Variants in SSH2 observed in about 807,000 individuals in gnomAD.
The protein encoded by SSH2 is protein phosphatase Slingshot homolog 2.
In SSH2, 37 loss-of-function variants were observed where a neutral mutation model predicts 135.2. The observed-to-expected ratio is 0.27, with a 90% CI of 0.21 to 0.36. The LOEUF is 0.36. Among genes scored for constraint, SSH2 ranks in the 10% least tolerant of loss-of-function variants. The probability of loss-of-function intolerance (pLI) is 1.00; values close to 1 mark genes in which losing one functional copy is unlikely to be tolerated. For missense variants in SSH2, 1,408 were observed against 1,765.3 expected (o/e 0.80, Z 3.63); for synonymous variants, 628 against 646.2 (o/e 0.97, Z 0.43).
In SSH2 at chr17:29,638,563, G is replaced by C. The variant is rs866958169; in HGVS notation, c.1428-1761C>G. 3.9e-3 allele frequency among the ~76,000 whole-genome samples: 513 copies of C among 131,346 alleles called. 3 individuals are homozygous for C. Among genetic ancestry groups the C allele is most frequent in the African/African-American group, 0.014 (475 of 33,450 alleles). 86.2% of individuals were successfully genotyped at this position (131,346 alleles called of 152,430 possible). A position where few individuals can be genotyped will look rare whatever the true frequency, so the allele number is the denominator to read the frequency against. ...ACACACACACACACACACACACACA[G>C]AGACAGGGTATCACACTGCCACCAG... is the stretch of plus-strand genomic sequence containing the variant. On this transcript the variant is annotated intron_variant, in intron 14 of 15. Transcript: ENST00000540801.
At chr17:29,838,543 C>T (rs1457215310) in intron 2 of SSH2, among the ~76,000 whole-genome samples, 1 of 152,240 alleles carries the variant, frequency 6.6e-6, no homozygotes, top group Non-Finnish European at 1.5e-5. Flanking sequence ...CATGAACCAA[C>T]TGGCATGCAC....
intron 2 of SSH2, among the ~76,000 whole-genome samples, chr17:29,838,350 T>C (rs2042980555): frequency 6.6e-6 from 1 of 152,132 alleles, no homozygotes; most frequent in Non-Finnish European, 1.5e-5. Flanking sequence ...CCCCTTGGCA[T>C]GAACAGCCTG....
At chr17:29,696,346 A>G (rs903585635) in intron 4 of SSH2, among the ~76,000 whole-genome samples, 1 of 147,154 alleles carries the variant, frequency 6.8e-6, no homozygotes, top group African/African-American at 2.6e-5. Context: ...ATATGTGTGT[A>G]TATATATACT....
intron 6 of SSH2, among the ~76,000 whole-genome samples, chr17:29,678,713 C>CTTT (rs55889704): frequency 0.55 from 61,579 of 112,064 alleles, 18,963 homozygotes; most frequent in East Asian, 0.67. Context: ...AATACTATTT[C>CTTT]TTTTTTTTTT....
intron 9 of SSH2, 99 bp downstream of exon 9, chr17:29,671,836 T>C (rs2037506364): frequency 1.9e-6 from 2 of 1,031,508 alleles, no homozygotes; most frequent in Middle Eastern, 3.2e-4. Flanking sequence ...CTAGGTAAGA[T>C]TAACTCCCCA....
rs374600377 is a variant in SSH2, at chr17:29,636,669, C to T, written c.1561G>A (p.Val521Met). ...ITTSADQIAEVKTMESHPPIP... is the reference protein window; with the variant it reads ...ITTSADQIAEMKTMESHPPIP... ...GGTGGGTGACTCTCCATGGTCTTCA[C>T]CTCAGCAATCTGGTCTGCTGAGGTG... The change falls in exon 15 of 16, where the codon GTG (valine) becomes ATG (methionine). Residue 521 changes from valine (V) to methionine (M), a missense_variant. Val to Met is a conservative substitution (Grantham distance 21). Transcript: ENST00000540801. 16 of 1,613,992 alleles carry T rather than the reference C, an allele frequency of 9.9e-6. No homozygotes were observed. Among genetic ancestry groups the T allele is most frequent in the African/African-American group, 4.0e-5 (3 of 74,894 alleles).
Position 29,631,948 on chromosome 17 carries a change from T to C in SSH2, c.3246A>G (p.Thr1082=), listed in dbSNP as rs375031862. 2 of 1,614,194 alleles carry C rather than the reference T, an allele frequency of 1.2e-6. No homozygotes were observed. The highest frequency in any genetic ancestry group is 1.3e-5 in the African/African-American group (1 of 75,038). The change falls in exon 16 of 16, where the codon ACA becomes ACG. Residue 1082 remains threonine (T), a synonymous_variant. Transcript: ENST00000540801. ...NMEKSVTVLC[T]LDENLNRTLD... is the part of the protein sequence containing the mutation. ...GAGTCCTGTTTAGATTTTCATCCAG[T>C]GTGCAGAGCACAGTGACAGATTTTT...
intron 2 of SSH2, among the ~76,000 whole-genome samples, chr17:29,838,421 G>A (rs925793784): frequency 6.6e-6 from 1 of 152,230 alleles, no homozygotes; most frequent in African/African-American, 2.4e-5. Context: ...TCAGTCCCTG[G>A]TGAAGTCCCA....
At position 29,636,175 on chromosome 17, in the gene SSH2, C is replaced by G. The variant is rs1411959031; in HGVS notation, c.2055G>C (p.Lys685Asn). ...GGGTTTCTTGGGAGAGCTCCACAAA[C>G]TTCTCTAGGGCACTAAAAAAGTCAA... is the stretch of plus-strand genomic sequence containing the variant. ...DRIDFFSALE[K>N]FVELSQETRS... Residue 685 changes from lysine to asparagine, a missense_variant, in exon 15 of 16, where the codon AAG becomes AAC. Physicochemically the swap from Lys to Asn is moderately conservative, Grantham distance 94. Transcript: ENST00000540801. 6.2e-7 allele frequency: 1 copy of G among 1,614,160 alleles called. No individual in the cohort carries two copies.
chr17:29,710,848 A>G (rs2039407583), intron 3 of SSH2, among the ~76,000 whole-genome samples: 1 of 152,200 alleles, frequency 6.6e-6, no homozygotes, highest in African/African-American at 2.4e-5. Flanking sequence ...AGAAAATGTG[A>G]TTCTGTAATC....
intron 3 of SSH2, among the ~76,000 whole-genome samples, chr17:29,734,111 T>C (rs917042366): frequency 2.0e-5 from 3 of 152,052 alleles, no homozygotes; most frequent in African/African-American, 7.2e-5. Context: ...GAGATGGTGA[T>C]GGGGTTTCAC....
chr17:29,678,876 G>A (rs957482823), intron 6 of SSH2, among the ~76,000 whole-genome samples: 21 of 151,820 alleles, frequency 1.4e-4, no homozygotes, highest in Admixed American at 6.6e-4. Context: ...CACCATGCCC[G>A]GCTAATTTTT....
At chr17:29,893,366 C>T (rs2066385905) in intron 1 of SSH2, among the ~76,000 whole-genome samples, 1 of 152,060 alleles carries the variant, frequency 6.6e-6, no homozygotes, top group African/African-American at 2.4e-5. Flanking sequence ...AACTTAATCA[C>T]CAACATGATA....
At chr17:29,640,817 T>C (rs2036127860) in intron 14 of SSH2, 1 of 152,218 alleles carries the variant, frequency 6.6e-6, no homozygotes, top group South Asian at 2.1e-4. Context: ...TCCCTTTTTT[T>C]TTCTTTATAG....
At chr17:29,777,266 A>T (rs900617881) in intron 3 of SSH2, among the ~76,000 whole-genome samples, 5 of 152,162 alleles carry the variant, frequency 3.3e-5, no homozygotes, top group African/African-American at 9.7e-5. Flanking sequence ...TCAGCTATTT[A>T]ATCATTAAAT....
intron 3 of SSH2, among the ~76,000 whole-genome samples, chr17:29,784,101 T>TG (rs1204363092): frequency 8.7e-6 from 1 of 115,518 alleles, no homozygotes; most frequent in African/African-American, 3.4e-5. Flanking sequence ...AAAGAGTAAT[T>TG]GGGGGCTGGA....
intron 2 of SSH2, among the ~76,000 whole-genome samples, chr17:29,801,022 C>T (rs1265081793): frequency 6.6e-6 from 1 of 151,816 alleles, no homozygotes; most frequent in Non-Finnish European, 1.5e-5. Context: ...TCTGCCACCA[C>T]CCCCTGTAAT....
intron 1 of SSH2, among the ~76,000 whole-genome samples, chr17:29,909,826 A>T (rs2066732900): frequency 6.6e-6 from 1 of 152,262 alleles, no homozygotes. Flanking sequence ...AGACAGTCTT[A>T]TACCTAGCAA....
At chr17:29,792,274 G>A (rs1040445475) in intron 3 of SSH2, among the ~76,000 whole-genome samples, 1 of 152,100 alleles carries the variant, frequency 6.6e-6, no homozygotes, top group Non-Finnish European at 1.5e-5. Context: ...TCATCATTAG[G>A]TAATTTTTTG....
Sources: allele counts gnomAD v4.1 joint callset (sites outside exome capture counted in the v4.1 genomes callset), GRCh38; gene constraint gnomAD v4.1.1; transcripts MANE v1.5; gene names NCBI Gene and HGNC (gene_info 2026-07-23, HGNC 2026-07-21).